Variants in SLC38A6 observed in about 807,000 individuals in gnomAD.
SLC38A6 encodes solute carrier family 38 member 6.
A neutral mutation model predicts 65.0 loss-of-function variants in SLC38A6; 73 were observed. That is an observed-to-expected ratio of 1.12 (90% CI 0.93 to 1.37). SLC38A6 has a LOEUF of 1.37. SLC38A6 is among the 40% of genes most tolerant of loss of function. The probability of loss-of-function intolerance (pLI) is 0.00; values close to 1 mark genes in which losing one functional copy is unlikely to be tolerated. For missense variants in SLC38A6, 561 were observed against 531.1 expected (o/e 1.06, Z -0.55); for synonymous variants, 183 against 178.8 (o/e 1.02, Z -0.19).
intron 10 of SLC38A6, among the ~76,000 whole-genome samples, chr14:61,043,969 C>T (rs1252632551): frequency 6.6e-6 from 1 of 152,058 alleles, no homozygotes; most frequent in Non-Finnish European, 1.5e-5. Context: ...GCCGACATTC[C>T]AAAGTTGAAA....
At chr14:61,010,744 A>G (rs6573351) in intron 3 of SLC38A6, among the ~76,000 whole-genome samples, 1 of 152,132 alleles carries the variant, frequency 6.6e-6, no homozygotes, top group South Asian at 2.1e-4. Flanking sequence ...TGGTATATAT[A>G]TCTGTTTTGG....
chr14:61,061,018 G>C (rs575928359), intron 15 of SLC38A6, among the ~76,000 whole-genome samples: 6 of 151,916 alleles, frequency 3.9e-5, no homozygotes, highest in Admixed American at 2.0e-4. Flanking sequence ...TGCGCCCACT[G>C]TCTGGCACTC....
chr14:60,982,613 G>A lies in SLC38A6; in HGVS notation c.211G>A (p.Ala71Thr), dbSNP rs377081984. Residue 71 changes from alanine to threonine, a missense_variant, in exon 2 of 16, where the codon GCT (alanine) becomes ACT (threonine). Ala to Thr is a moderately conservative substitution (Grantham distance 58). Transcript: ENST00000267488. ...SGILGLAYVL[A>T]NTGVFGFSFL... Reference sequence around the variant, plus strand: ...CATCCTTGGCTTAGCTTATGTTTTGGCTAATACCGGTGTCTTTGGATTTAG... The same window carrying A: ...CATCCTTGGCTTAGCTTATGTTTTGACTAATACCGGTGTCTTTGGATTTAG... 42 of 1,612,004 alleles carry A rather than the reference G, an allele frequency of 2.6e-5. No homozygotes were observed. The highest frequency in any genetic ancestry group is 1.7e-4 in the Admixed American group (10 of 59,616).
chr14:61,017,669 G>A (rs114899659), intron 4 of SLC38A6, among the ~76,000 whole-genome samples: 12 of 152,266 alleles, frequency 7.9e-5, no homozygotes, highest in African/African-American at 2.2e-4. Context: ...TATTTCCTGC[G>A]TTGCTTGTAT....
chr14:61,026,298 G>A (rs527912970), intron 5 of SLC38A6, among the ~76,000 whole-genome samples: 2 of 152,094 alleles, frequency 1.3e-5, no homozygotes, highest in South Asian at 2.1e-4. Flanking sequence ...TTTCAAATAC[G>A]TGAGAATAGG....
intron 16 of SLC38A6, among the ~76,000 whole-genome samples, chr14:61,081,679 G>T (rs1594807880): frequency 6.6e-6 from 1 of 150,648 alleles, no homozygotes. Context: ...GCGAGACTCT[G>T]TCTCAAAAAA....
At chr14:60,991,926 T>TC (rs1334667272) in intron 3 of SLC38A6, among the ~76,000 whole-genome samples, 1 of 152,162 alleles carries the variant, frequency 6.6e-6, no homozygotes, top group Non-Finnish European at 1.5e-5. Flanking sequence ...CACTTAAGAC[T>TC]CCATTTTCTT....
chr14:61,069,367 C>T (rs2139953619), intron 15 of SLC38A6, among the ~76,000 whole-genome samples: 1 of 152,114 alleles, frequency 6.6e-6, no homozygotes, highest in Admixed American at 6.6e-5. Context: ...CCCATTAATC[C>T]CAGATAATGG....
At position 61,052,444 on chromosome 14, in the gene SLC38A6, T is replaced by C. The variant is rs752878442; in HGVS notation, c.*15T>C. The C allele has an allele frequency of 5.8e-6, 9 of 1,560,060 alleles. No homozygotes were observed. The South Asian group carries it at 7.5e-5, about 13-fold the overall frequency. The stretch of plus-strand genomic sequence containing the variant: ...TTAATAAATAAAAGAAATATTTTCC[T>C]ACTTCTTACAAGAATAATATACCCC... On this transcript the variant is annotated 3_prime_UTR_variant, in exon 16 of 16. Coordinates refer to ENST00000267488, the MANE Select transcript of SLC38A6 (RefSeq NM_153811.3).
intron 16 of SLC38A6, among the ~76,000 whole-genome samples, chr14:61,081,716 C>T (rs1297855284): frequency 1.3e-5 from 2 of 152,132 alleles, no homozygotes; most frequent in African/African-American, 4.8e-5. Flanking sequence ...TCCCTAAGTA[C>T]TTTTGTTACT....
At chr14:60,990,921 A>G (rs546186023) in intron 3 of SLC38A6, among the ~76,000 whole-genome samples, 43 of 152,238 alleles carry the variant, frequency 2.8e-4, no homozygotes, top group South Asian at 2.7e-3. Context: ...AGCTCAAGCA[A>G]TCCTCCTGCC....
Position 60,982,589 on chromosome 14 carries a change from A to G in SLC38A6, c.187A>G (p.Ile63Val). 2.5e-6 allele frequency: 4 copies of G among 1,614,042 alleles called. No homozygotes were observed. The highest frequency in any genetic ancestry group is 3.4e-6 in the Non-Finnish European group (4 of 1,180,008). Residue 63 changes from isoleucine (I) to valine (V), a missense_variant, in exon 2 of 16, where the codon ATC becomes GTC. Physicochemically the swap from Ile to Val is conservative, Grantham distance 29. Transcript: ENST00000267488. Reference sequence around the variant, plus strand: ...GATGAATGCCATCATGGGAAGTGGCATCCTTGGCTTAGCTTATGTTTTGGC... The same window carrying G: ...GATGAATGCCATCATGGGAAGTGGCGTCCTTGGCTTAGCTTATGTTTTGGC... ...NLMNAIMGSG[I>V]LGLAYVLANT...
intron 3 of SLC38A6, among the ~76,000 whole-genome samples, chr14:60,991,585 AGTCT>A (rs2037891681): frequency 6.6e-6 from 1 of 152,152 alleles, no homozygotes; most frequent in Non-Finnish European, 1.5e-5. Flanking sequence ...CGTGCTGGGT[AGTCT>A]CCTGCTTCCA....
chr14:61,051,837 G>T lies in SLC38A6; in HGVS notation c.1101G>T (p.Trp367Cys). The change falls in exon 14 of 16, where the codon TGG becomes TGT. Residue 367 changes from tryptophan (W) to cysteine (C), a missense_variant. Coordinates refer to ENST00000267488, the MANE Select transcript of SLC38A6 (RefSeq NM_153811.3). ...MMFFSNFPFS[W>C]IRHFLITLAL... ...TTTTCTCCAATTTTCCATTCTCATG[G>T]ATTCGCCATTTTTTGATCACTCTAG... The T allele has an allele frequency of 6.2e-7, 1 of 1,612,280 alleles. No homozygotes were observed. The highest frequency in any genetic ancestry group is 1.3e-5 in the African/African-American group (1 of 74,898).
At chr14:61,026,244 C>T (rs2040604399) in intron 5 of SLC38A6, among the ~76,000 whole-genome samples, 1 of 152,008 alleles carries the variant, frequency 6.6e-6, no homozygotes. Flanking sequence ...TTTGGAAGCA[C>T]AGAGACTGAT....
Position 61,043,152 on chromosome 14 carries a change from A to G in SLC38A6, c.630A>G (p.Ile210Met). ...GATTCTGTTTACTTTTTTAGGTAAT[A>G]ATTAAAAAATGGTCCATCCCTTGTC... ...FFMMFFALVV[I>M]IKKWSIPCPL... Residue 210 changes from isoleucine to methionine, a missense_variant, in exon 9 of 16, where the codon ATA (isoleucine) becomes ATG (methionine). Physicochemically the swap from Ile to Met is conservative, Grantham distance 10 (BLOSUM62 1). Coordinates refer to ENST00000267488, the MANE Select transcript of SLC38A6 (RefSeq NM_153811.3). 6.6e-7 allele frequency: 1 copy of G among 1,525,486 alleles called. No individual in the cohort carries two copies. Among genetic ancestry groups the G allele is most frequent in the East Asian group, 2.3e-5 (1 of 43,618 alleles). 94.5% of individuals were successfully genotyped at this position (1,525,486 alleles called of 1,614,324 possible).
At chr14:61,004,335 C>G (rs1015444956) in intron 3 of SLC38A6, 1 of 152,064 alleles carries the variant, frequency 6.6e-6, no homozygotes, top group Non-Finnish European at 1.5e-5. Flanking sequence ...TGCTCACTGA[C>G]AGAGAAACTG....
chr14:60,983,519 ATTC>A (rs1252010652), intron 2 of SLC38A6, among the ~76,000 whole-genome samples: 16 of 152,256 alleles, frequency 1.1e-4, no homozygotes, highest in Admixed American at 5.2e-4. Flanking sequence ...ACTGGACCTT[ATTC>A]TTAGCATCTA....
At chr14:61,041,154 T>A (rs2041784314) in intron 8 of SLC38A6, among the ~76,000 whole-genome samples, 1 of 152,162 alleles carries the variant, frequency 6.6e-6, no homozygotes, top group Middle Eastern at 3.2e-3. Flanking sequence ...ATACTTAGTC[T>A]CCTTTTTCCC....
Sources: allele counts gnomAD v4.1 joint callset (sites outside exome capture counted in the v4.1 genomes callset), GRCh38; gene constraint gnomAD v4.1.1; transcripts MANE v1.5; gene names NCBI Gene and HGNC (gene_info 2026-07-23, HGNC 2026-07-21).